RYR1: variants seen among roughly 807,000 people sequenced by gnomAD.
The protein encoded by RYR1 is central core disease of muscle.
RYR1 carries 342 observed loss-of-function variants against 583.5 expected under a neutral mutation model. The observed-to-expected ratio is 0.59, with a 90% CI of 0.54 to 0.64. The LOEUF (loss-of-function observed/expected upper bound fraction) is 0.64. RYR1 is among the 30% of genes least tolerant of loss of function. RYR1 has a pLI of 0.00. For missense variants in RYR1, 6,032 were observed against 6,917.2 expected (o/e 0.87, Z 4.54); for synonymous variants, 2,791 against 2,822.5 (o/e 0.99, Z 0.35).
chr19:38,461,143 G>A (rs1272723004), intron 20 of RYR1, among the ~76,000 whole-genome samples: 1 of 138,366 alleles, frequency 7.2e-6, no homozygotes, highest in Non-Finnish European at 1.6e-5. Context: ...AACAGAGTGA[G>A]ACTTCATCTC....
At chr19:38,573,872 G>C (rs1973838708) in intron 96 of RYR1, among the ~76,000 whole-genome samples, 1 of 152,052 alleles carries the variant, frequency 6.6e-6, no homozygotes, top group African/African-American at 2.4e-5. Context: ...AGTGACTCTG[G>C]GGTGTGAGCC....
chr19:38,464,226 G>A (rs567202578), intron 22 of RYR1, among the ~76,000 whole-genome samples: 6 of 137,384 alleles, frequency 4.4e-5, no homozygotes, highest in Non-Finnish European at 6.2e-5. Context: ...GCAGCGAGCC[G>A]AGATCACACT....
At chr19:38,476,882 G>C (rs147916136) in intron 29 of RYR1, among the ~76,000 whole-genome samples, 13 of 152,166 alleles carry the variant, frequency 8.5e-5, no homozygotes, top group Admixed American at 6.5e-5. Context: ...GTAGACCTTA[G>C]AACAGGCCTG....
Position 38,565,675 on chromosome 19 carries a change from G to A in RYR1, c.13341G>A (p.Arg4447=), listed in dbSNP as rs375750351. ...CCGTGACCGATGGGGGCCCCTTCCGGCCCGAAGGGGCTGGCGGTCTCGGGG... is the reference window on the plus strand; with the variant it reads ...CCGTGACCGATGGGGGCCCCTTCCGACCCGAAGGGGCTGGCGGTCTCGGGG... ...AVAVTDGGPF[R]PEGAGGLGDM... Residue 4447 remains arginine, a synonymous_variant, in exon 91 of 106, where the codon CGG becomes CGA. Transcript: ENST00000359596. The surrounding 1 kb of genome is among the most constrained non-coding windows in gnomAD (Gnocchi z 4.7). 78 of 1,396,488 alleles carry A rather than the reference G, an allele frequency of 5.6e-5. 2 individuals carry two copies. In the South Asian group the frequency reaches 1.0e-3, roughly 19 times the overall value. 86.5% of individuals were successfully genotyped at this position (1,396,488 alleles called of 1,614,324 possible).
At chr19:38,502,805 AGGG>A in intron 48 of RYR1, 72 bp from the exon 49 acceptor site, 2 of 472,720 alleles carry the variant, frequency 4.2e-6, no homozygotes, top group Non-Finnish European at 6.1e-6. Context: ...GGGCAGGGGC[AGGG>A]GGAGGAGCAG....
At chr19:38,464,537 G>A (rs927438969) in intron 22 of RYR1, 102 bp from the exon 23 acceptor site, 2 of 944,394 alleles carry the variant, frequency 2.1e-6, no homozygotes, top group South Asian at 2.8e-5. Flanking sequence ...AGGCACTGAA[G>A]CAGCAGAGGT....
rs1362498385 is a variant in RYR1, at chr19:38,505,792, C to T, written c.8401-14C>T. ...TCCCATTCCACCAACTCCCCACCCT[C>T]CTGTCCACCCCAGGACAAAGAGATT... On this transcript the variant is annotated splice_polypyrimidine_tract_variant and intron_variant, in intron 53 of 105. Coordinates refer to ENST00000359596, the MANE Select transcript of RYR1 (RefSeq NM_000540.3). 3 of 1,614,078 alleles carry T rather than the reference C, an allele frequency of 1.9e-6. No individual in the cohort carries two copies. The highest frequency in any genetic ancestry group is 2.7e-5 in the African/African-American group (2 of 75,018).
chr19:38,459,362 G>A (rs779015769), intron 19 of RYR1, 24 bp downstream of exon 19: 5 of 1,611,176 alleles, frequency 3.1e-6, no homozygotes, highest in Admixed American at 3.3e-5. Flanking sequence ...CCCACCCCAC[G>A]GCCAGTCCTC....
At position 38,582,411 on chromosome 19, in the gene RYR1, A is replaced by G. The variant is rs554406342; in HGVS notation, c.14646+1907A>G. Among the ~76,000 whole-genome samples the G allele has an allele frequency of 1.3e-3, 189 of 150,894 alleles. 2 individuals are homozygous for G. The highest frequency in any genetic ancestry group is 3.5e-3 in the Middle Eastern group (1 of 284). On this transcript the variant is annotated intron_variant, in intron 101 of 105. Transcript: ENST00000359596. ...AAACTCCGTCTCAAAAAAAAGGAAA[A>G]AAAAAAAGACTTAGACTAGTGCCTG... is the stretch of plus-strand genomic sequence containing the variant.
At chr19:38,569,823 A>G (rs1368011261) in intron 93 of RYR1, among the ~76,000 whole-genome samples, 1 of 152,200 alleles carries the variant, frequency 6.6e-6, no homozygotes, top group African/African-American at 2.4e-5. Flanking sequence ...AAGCTCATGC[A>G]AATAAAGTTC....
At chr19:38,440,666 G>A in intron 1 of RYR1, 79 bp from the exon 2 acceptor site, 1 of 1,546,056 alleles carries the variant, frequency 6.5e-7, no homozygotes, top group Non-Finnish European at 8.8e-7. Flanking sequence ...GACCAGGGTG[G>A]GAGGAGGGGC....
chr19:38,486,049 C>T lies in RYR1; in HGVS notation c.5394C>T (p.Leu1798=), dbSNP rs1473413279. 6.2e-7 allele frequency: 1 copy of T among 1,612,794 alleles called. No homozygotes were observed. Among genetic ancestry groups the T allele is most frequent in the Admixed American group, 1.7e-5 (1 of 59,964 alleles). The change falls in exon 34 of 106, where the codon CTC becomes CTT. Residue 1798 remains leucine, a synonymous_variant. Coordinates refer to ENST00000359596, the MANE Select transcript of RYR1 (RefSeq NM_000540.3). ...AAGAAEAPAR[L]SPAIPLEALR... is the part of the protein sequence containing the mutation. ...GGGCAGCAGAGGCCCCGGCCCGCCT[C>T]AGCCCTGCCATCCCGCTGGAGGCCC...
At chr19:38,550,742 C>T (rs1283903853) in intron 89 of RYR1, among the ~76,000 whole-genome samples, 1 of 152,076 alleles carries the variant, frequency 6.6e-6, no homozygotes, top group Non-Finnish European at 1.5e-5. Flanking sequence ...CCAGGGGCTC[C>T]ACAATGAAGT....
chr19:38,539,158 A>G lies in RYR1; in HGVS notation c.11689+1198A>G, dbSNP rs116377544. On this transcript the variant is annotated intron_variant, in intron 84 of 105. Transcript: ENST00000359596. ...GATAAAGTATGATCTCTTTGTCTTG[A>G]ATTTTCAAAAGCTCTTGTGTCCACA... Among the ~76,000 whole-genome samples, 1,169 of 152,022 alleles carry G rather than the reference A, an allele frequency of 7.7e-3. 19 individuals carry two copies. Among genetic ancestry groups the G allele is most frequent in the African/African-American group, 0.024 (978 of 41,460 alleles).
intron 72 of RYR1, 44 bp from the exon 73 acceptor site, chr19:38,527,603 G>A: frequency 1.2e-6 from 2 of 1,612,214 alleles, no homozygotes; most frequent in Non-Finnish European, 1.7e-6. Context: ...CGGACACTGT[G>A]GGAAGGGTCC....
At chr19:38,580,667 C>G (rs1372923633) in intron 101 of RYR1, among the ~76,000 whole-genome samples, 163 bp downstream of exon 101, 1 of 152,038 alleles carries the variant, frequency 6.6e-6, no homozygotes, top group Non-Finnish European at 1.5e-5. Flanking sequence ...GGAAACCAGC[C>G]TGGGCAACAA....
intron 105 of RYR1, among the ~76,000 whole-genome samples, chr19:38,586,796 T>A (rs919131401): frequency 5.3e-5 from 8 of 151,762 alleles, no homozygotes; most frequent in African/African-American, 1.7e-4. Context: ...CATGGTGAAA[T>A]TCAGTCTCTA....
At chr19:38,558,043 T>C (rs1035392579) in intron 89 of RYR1, among the ~76,000 whole-genome samples, 1 of 151,970 alleles carries the variant, frequency 6.6e-6, no homozygotes, top group Non-Finnish European at 1.5e-5. Flanking sequence ...GCACGATGAC[T>C]CATGCCTGTA....
In RYR1 at chr19:38,525,496, C is replaced by T. The variant is rs758247804; in HGVS notation, c.10620C>T (p.Tyr3540=). Residue 3540 remains tyrosine, a synonymous_variant, in exon 71 of 106, where the codon TAC becomes TAT. Transcript: ENST00000359596. ...TCATCACGCTGGCCAAGACCCGTTA[C>T]GCCCTGGTGCCTGCCCAGCCCCGTC... is the stretch of plus-strand genomic sequence containing the variant. The part of the protein sequence containing the change: ...QDLITLAKTR[Y]ALKDTDEEVR... 8.7e-6 allele frequency: 14 copies of T among 1,613,832 alleles called. No homozygotes were observed. Among genetic ancestry groups the T allele is most frequent in the East Asian group, 6.7e-5 (3 of 44,866 alleles).
Sources: allele counts gnomAD v4.1 joint callset (sites outside exome capture counted in the v4.1 genomes callset), GRCh38; gene constraint gnomAD v4.1.1; non-coding constraint Gnocchi (gnomAD v3.1); transcripts MANE v1.5; gene names NCBI Gene and HGNC (gene_info 2026-07-23, HGNC 2026-07-21).